FKBP7: variants seen among roughly 807,000 people sequenced by gnomAD.
The protein encoded by FKBP7 is peptidyl-prolyl cis-trans isomerase FKBP7.
Under a neutral mutation model 24.3 loss-of-function variants are expected in FKBP7, and 24 were observed. That is an observed-to-expected ratio of 0.99 (90% CI 0.72 to 1.39). The LOEUF (loss-of-function observed/expected upper bound fraction) is 1.39. Among genes scored for constraint, FKBP7 ranks in the 40% most tolerant of loss-of-function variants. The pLI is 0.00. For missense variants in FKBP7, 257 were observed against 269.5 expected (o/e 0.95, Z 0.33); for synonymous variants, 98 against 92.8 (o/e 1.06, Z -0.32).
intron 1 of FKBP7, 25 bp from the exon 2 acceptor site, chr2:178,477,238 TA>T (rs1238155647): frequency 1.3e-6 from 2 of 1,599,540 alleles, no homozygotes; most frequent in Non-Finnish European, 1.7e-6. Context: ...AATACTTAAG[TA>T]AACTGATTTC....
rs761740672 is a variant in FKBP7 at position 178,469,759 on chromosome 2, T to C, written c.400A>G (p.Thr134Ala). Residue 134 changes from threonine to alanine, a missense_variant, in exon 3 of 4, where the codon ACA (threonine) becomes GCA (alanine). Coordinates refer to ENST00000424785, the MANE Select transcript of FKBP7 (RefSeq NM_181342.3). ...TAAAGTTCAATCTCAAAAATCAATGTAGCATCCGGTGGAATCTTGCCTTCT... is the reference window on the plus strand; with the variant it reads ...TAAAGTTCAATCTCAAAAATCAATGCAGCATCCGGTGGAATCTTGCCTTCT... ...YAEGKIPPDA[T>A]LIFEIELYAV... 1.2e-6 allele frequency: 2 copies of C among 1,613,772 alleles called. No homozygotes were observed. The highest frequency in any genetic ancestry group is 4.5e-5 in the East Asian group (2 of 44,862).
intron 1 of FKBP7, 40 bp downstream of exon 1, chr2:178,478,239 T>C (rs1227876583): frequency 6.2e-7 from 1 of 1,609,570 alleles, no homozygotes; most frequent in Admixed American, 1.7e-5. Context: ...GGCAAGATTT[T>C]GTGCAACTGG....
At chr2:178,470,503 T>A (rs1438331272) in intron 2 of FKBP7, among the ~76,000 whole-genome samples, 1 of 152,190 alleles carries the variant, frequency 6.6e-6, no homozygotes, top group African/African-American at 2.4e-5. Context: ...AGAGAAGAAA[T>A]GCATGGGCAG....
chr2:178,465,593 T>C lies in FKBP7; in HGVS notation c.*177A>G. 2.0e-6 allele frequency: 1 copy of C among 491,788 alleles called. No individual in the cohort carries two copies. The highest frequency in any genetic ancestry group is 3.4e-6 in the Non-Finnish European group (1 of 294,350). The allele number at this position is 491,788 out of a possible 1,614,324, so 30.5% of individuals were successfully genotyped here. The stretch of plus-strand genomic sequence containing the variant: ...GTAGGAAACACAGTCATACCATTCC[T>C]GCAAGTTAAGTTTGCAAAACAGCCT... On this transcript the variant is annotated 3_prime_UTR_variant, in exon 4 of 4. Coordinates refer to ENST00000424785, the MANE Select transcript of FKBP7 (RefSeq NM_181342.3).
At chr2:178,472,974 T>C (rs1684896126) in intron 2 of FKBP7, 3 of 681,792 alleles carry the variant, frequency 4.4e-6, no homozygotes, top group African/African-American at 1.9e-5. Context: ...GAATTACTTA[T>C]ATTTAGAGAA....
rs1559379793 is a variant in FKBP7 at position 178,478,388 on chromosome 2, C to CT, written c.111dup (p.Glu38ArgfsTer11). 2 of 1,614,204 alleles carry CT rather than the reference C, an allele frequency of 1.2e-6. No homozygotes were observed. The highest frequency in any genetic ancestry group is 2.7e-5 in the African/African-American group (2 of 75,040). Reference sequence around the variant, plus strand: ...CAGTTTTCTGGACGATGCAAAACTTCTATTTTCACTTCTTCGGTGCTCTCC... The same window carrying CT: ...CAGTTTTCTGGACGATGCAAAACTTCTTATTTTCACTTCTTCGGTGCTCTCC... On this transcript the variant is annotated frameshift_variant, in exon 1 of 4. Coordinates refer to ENST00000424785, the MANE Select transcript of FKBP7 (RefSeq NM_181342.3). LOFTEE classifies it high-confidence loss of function.
chr2:178,468,513 G>C (rs1193905854), intron 3 of FKBP7, among the ~76,000 whole-genome samples: 1 of 152,016 alleles, frequency 6.6e-6, no homozygotes, highest in Middle Eastern at 3.4e-3. Context: ...AATTAGCTGG[G>C]TATGGTGGCA....
Position 178,464,981 on chromosome 2 carries a change from A to G in FKBP7, c.*789T>C, listed in dbSNP as rs1408952726. The G allele has an allele frequency of 6.6e-6, 1 of 152,248 alleles. No homozygotes were observed. The highest frequency in any genetic ancestry group is 2.4e-5 in the African/African-American group (1 of 41,464). 9.4% of individuals were successfully genotyped at this position (152,248 alleles called of 1,614,324 possible). A position where few individuals can be genotyped will look rare whatever the true frequency, so the allele number is the denominator to read the frequency against. ...AAAACTAAGAAATTTCATGGCATCA[A>G]TTTAAAACTATCAAGACAAAAGCTT... On this transcript the variant is annotated 3_prime_UTR_variant, in exon 4 of 4. Transcript: ENST00000424785.
At chr2:178,476,390 C>A (rs1176283254) in intron 2 of FKBP7, among the ~76,000 whole-genome samples, 2 of 152,132 alleles carry the variant, frequency 1.3e-5, no homozygotes, top group South Asian at 2.1e-4. Context: ...ACCATCATAA[C>A]AATTTTCAAG....
intron 2 of FKBP7, among the ~76,000 whole-genome samples, chr2:178,471,500 A>G (rs1684846819): frequency 6.6e-6 from 1 of 152,166 alleles, no homozygotes; most frequent in Non-Finnish European, 1.5e-5. Flanking sequence ...GGCGTGAGTC[A>G]CCGTGCCAGG....
chr2:178,473,364 C>T (rs145661205), intron 2 of FKBP7, among the ~76,000 whole-genome samples: 7 of 152,274 alleles, frequency 4.6e-5, no homozygotes, highest in Non-Finnish European at 8.8e-5. Flanking sequence ...GTTTCTTACT[C>T]TGTAAAATGA....
At chr2:178,467,557 T>C (rs538783657) in intron 3 of FKBP7, among the ~76,000 whole-genome samples, 17 of 152,302 alleles carry the variant, frequency 1.1e-4, no homozygotes, top group African/African-American at 4.1e-4. Flanking sequence ...TAAGTAAGTA[T>C]CTATATTGTA....
chr2:178,475,029 T>C (rs1684962189), intron 2 of FKBP7, among the ~76,000 whole-genome samples: 1 of 152,206 alleles, frequency 6.6e-6, no homozygotes, highest in African/African-American at 2.4e-5. Flanking sequence ...TAGCTCTACT[T>C]CATTCTTTTT....
At chr2:178,472,980 G>C in intron 2 of FKBP7, 2 of 749,460 alleles carry the variant, frequency 2.7e-6, no homozygotes, top group Non-Finnish European at 4.0e-6. Flanking sequence ...CTTATATTTA[G>C]AGAAGCAGAT....
At chr2:178,476,245 G>A (rs1684994330) in intron 2 of FKBP7, among the ~76,000 whole-genome samples, 1 of 152,156 alleles carries the variant, frequency 6.6e-6, no homozygotes, top group Non-Finnish European at 1.5e-5. Context: ...ATCCTTATAA[G>A]CAAAAAGAAG....
Position 178,465,583 on chromosome 2 carries a change from ATACCAT to A in FKBP7, c.*181_*186del. 1 of 462,556 alleles carries A rather than the reference ATACCAT, an allele frequency of 2.2e-6. No homozygotes were observed. The highest frequency in any genetic ancestry group is 4.2e-5 in the Admixed American group (1 of 23,968). The allele number at this position is 462,556 out of a possible 1,614,324, so 28.7% of individuals were successfully genotyped here. A position where few individuals can be genotyped will look rare whatever the true frequency, so the allele number is the denominator to read the frequency against. ...GAATAAAGCAGTAGGAAACACAGTCATACCATTCCTGCAAGTTAAGTTTGCAAAACA... is the reference window on the plus strand; with the variant it reads ...GAATAAAGCAGTAGGAAACACAGTCATCCTGCAAGTTAAGTTTGCAAAACA... On this transcript the variant is annotated 3_prime_UTR_variant, in exon 4 of 4. Coordinates refer to ENST00000424785, the MANE Select transcript of FKBP7 (RefSeq NM_181342.3).
chr2:178,470,287 G>T (rs1684814565), intron 2 of FKBP7, among the ~76,000 whole-genome samples: 1 of 152,090 alleles, frequency 6.6e-6, no homozygotes, highest in Admixed American at 6.5e-5. Context: ...CATTTACATT[G>T]TATTAGATAT....
Position 178,478,563 on chromosome 2 carries a change from C to T in FKBP7, c.-64G>A, listed in dbSNP as rs1685082250. 2.5e-6 allele frequency: 4 copies of T among 1,596,908 alleles called. No individual in the cohort carries two copies. The highest frequency in any genetic ancestry group is 2.7e-5 in the African/African-American group (2 of 74,436). Reference sequence around the variant, plus strand: ...CTCGCGCCCCGTGGATGTCCCGCGGCCGAGTTCCGACGCGTGGCAGGCGTT... The same window carrying T: ...CTCGCGCCCCGTGGATGTCCCGCGGTCGAGTTCCGACGCGTGGCAGGCGTT... On this transcript the variant is annotated 5_prime_UTR_variant, in exon 1 of 4. Transcript: ENST00000424785.
intron 3 of FKBP7, among the ~76,000 whole-genome samples, chr2:178,466,602 T>C (rs1175286485): frequency 1.3e-5 from 2 of 152,130 alleles, no homozygotes. Context: ...ATATAAAATA[T>C]ATAACAGATT....
Sources: gnomAD v4.1 joint callset for allele counts (sites outside exome capture counted in the v4.1 genomes callset) on GRCh38, gnomAD v4.1.1 for gene constraint, MANE v1.5 for transcripts, NCBI Gene and HGNC (gene_info 2026-07-23, HGNC 2026-07-21) for gene names.